Variants in AAMDC observed in about 807,000 individuals in gnomAD.
The protein encoded by AAMDC is adipogenesis associated Mth938 domain containing, also known as mth938 domain-containing protein.
A neutral mutation model predicts 15.5 loss-of-function variants in AAMDC; 16 were observed. The observed-to-expected ratio is 1.03, with a 90% confidence interval of 0.70 to 1.57. AAMDC has a LOEUF of 1.57. Among genes scored for constraint, AAMDC ranks in the 40% most tolerant of loss-of-function variants. The pLI, the probability that AAMDC is intolerant of heterozygous loss-of-function variation, is 0.00. For missense variants in AAMDC, 141 were observed against 144.9 expected, an observed-to-expected ratio of 0.97 and a Z score of 0.14; for synonymous variants, 51 against 51.6, an observed-to-expected ratio of 0.99 and a Z score of 0.05.
At chr11:77,836,780 A>G (rs1417594414) in intron 1 of AAMDC, among the ~76,000 whole-genome samples, 1 of 152,176 alleles carries the variant, frequency 6.6e-6, no homozygotes, top group Non-Finnish European at 1.5e-5. Context: ...AGCCTGAACA[A>G]CATGGAGAAA....
chr11:77,886,598 CGAGAT>C (rs1012051653), intron 5 of AAMDC, among the ~76,000 whole-genome samples: 18 of 151,662 alleles, frequency 1.2e-4, no homozygotes, highest in Admixed American at 1.2e-3. Context: ...AATGGATGAA[CGAGAT>C]TCCCACTGTC....
chr11:77,894,833 G>A (rs1952441105), intron 5 of AAMDC, among the ~76,000 whole-genome samples: 1 of 152,158 alleles, frequency 6.6e-6, no homozygotes, highest in Non-Finnish European at 1.5e-5. Flanking sequence ...AAGAATCACT[G>A]CACTCAATGA....
chr11:77,873,563 G>A (rs186663776), downstream of AAMDC, among the ~76,000 whole-genome samples: 203 of 152,276 alleles, frequency 1.3e-3, no homozygotes, highest in African/African-American at 4.6e-3. Context: ...TTATTGTTGG[G>A]CCCTGGGGGA....
intron 1 of AAMDC, among the ~76,000 whole-genome samples, chr11:77,834,707 G>T (rs568335707): frequency 2.6e-5 from 4 of 152,184 alleles, no homozygotes; most frequent in Non-Finnish European, 4.4e-5. Flanking sequence ...GAGCCACTGC[G>T]CCTGGCCAAG....
At chr11:77,887,618 G>A (rs1382735275) in intron 5 of AAMDC, among the ~76,000 whole-genome samples, 1 of 152,186 alleles carries the variant, frequency 6.6e-6, no homozygotes, top group Admixed American at 6.5e-5. Flanking sequence ...ATTAGGAAAA[G>A]AGGAAGTCAA....
intron 3 of AAMDC, among the ~76,000 whole-genome samples, chr11:77,870,833 T>C (rs892603895): frequency 3.3e-5 from 5 of 152,240 alleles, no homozygotes; most frequent in African/African-American, 7.2e-5. Context: ...TATATACTTA[T>C]AACCATTTTA....
intron 5 of AAMDC, among the ~76,000 whole-genome samples, chr11:77,891,043 C>T (rs540762064): frequency 6.6e-6 from 1 of 152,180 alleles, no homozygotes; most frequent in East Asian, 1.9e-4. Flanking sequence ...TTTAGTGAAC[C>T]CTTACTGGGT....
At chr11:77,854,996 C>A (rs1272919478) in intron 2 of AAMDC, among the ~76,000 whole-genome samples, 1 of 152,218 alleles carries the variant, frequency 6.6e-6, no homozygotes, top group Non-Finnish European at 1.5e-5. Context: ...CTCATGGAAG[C>A]CACCAAGGCC....
At chr11:77,857,945 T>C (rs193231946) in intron 2 of AAMDC, among the ~76,000 whole-genome samples, 206 of 152,276 alleles carry the variant, frequency 1.4e-3, no homozygotes, top group African/African-American at 4.7e-3. Context: ...TCTGCCCACA[T>C]TGGCCCCCAA....
chr11:77,900,680 G>A (rs1318850852), exon 6 of AAMDC: 1 of 683,626 alleles, frequency 1.5e-6, no homozygotes, highest in Non-Finnish European at 2.6e-6. Context: ...TTTATTTTAT[G>A]AAATAGTAAG....
At chr11:77,853,661 T>C (rs1950490964) in intron 2 of AAMDC, among the ~76,000 whole-genome samples, 1 of 152,106 alleles carries the variant, frequency 6.6e-6, no homozygotes, top group Non-Finnish European at 1.5e-5. Flanking sequence ...ATTACAGCCA[T>C]GCCAGGCAGT....
At chr11:77,883,729 A>AT in intron 5 of AAMDC, 2 of 1,227,904 alleles carry the variant, frequency 1.6e-6, no homozygotes, top group Non-Finnish European at 2.3e-6. Flanking sequence ...ACAAGGCCTG[A>AT]TTCATCCATG....
At chr11:77,855,071 A>G (rs1950555858) in intron 2 of AAMDC, among the ~76,000 whole-genome samples, 1 of 152,122 alleles carries the variant, frequency 6.6e-6, no homozygotes, top group African/African-American at 2.4e-5. Flanking sequence ...CCATAGCTAG[A>G]GCTGGAGTGG....
intron 1 of AAMDC, among the ~76,000 whole-genome samples, chr11:77,832,743 GC>G (rs1233607096): frequency 6.7e-6 from 1 of 149,236 alleles, no homozygotes; most frequent in African/African-American, 2.5e-5. Flanking sequence ...CCCCATATTT[GC>G]CTGCTGAAAT....
chr11:77,858,299 A>ATTAT (rs1950717647), intron 2 of AAMDC, among the ~76,000 whole-genome samples: 3 of 91,554 alleles, frequency 3.3e-5, no homozygotes, highest in Admixed American at 1.2e-4. Flanking sequence ...CGTTTAAGCA[A>ATTAT]TTCTTTTTTT....
intron 2 of AAMDC, among the ~76,000 whole-genome samples, chr11:77,848,861 C>G (rs1197944817): frequency 6.6e-6 from 1 of 152,206 alleles, no homozygotes; most frequent in African/African-American, 2.4e-5. Context: ...TCATAGCTCA[C>G]TGCAACCTCA....
At chr11:77,877,693 C>G (rs1326376981) in intron 5 of AAMDC, among the ~76,000 whole-genome samples, 1 of 152,156 alleles carries the variant, frequency 6.6e-6, no homozygotes, top group African/African-American at 2.4e-5. Flanking sequence ...GTACATAGCA[C>G]AGGCAGTACC....
intron 1 of AAMDC, among the ~76,000 whole-genome samples, chr11:77,842,127 G>T (rs1234520775): frequency 1.3e-5 from 2 of 152,036 alleles, no homozygotes; most frequent in African/African-American, 4.8e-5. Flanking sequence ...ACAAATTTTT[G>T]GTTTTGACAG....
chr11:77,893,559 T>C (rs1952368644), intron 5 of AAMDC, among the ~76,000 whole-genome samples: 2 of 152,152 alleles, frequency 1.3e-5, no homozygotes, highest in Admixed American at 1.3e-4. Context: ...CAGTGAGCTG[T>C]GCCAGTCTGG....
Sources: gnomAD v4.1 joint callset for allele counts (sites outside exome capture counted in the v4.1 genomes callset) on GRCh38, gnomAD v4.1.1 for gene constraint, MANE v1.5 for transcripts, NCBI Gene and HGNC (gene_info 2026-07-23, HGNC 2026-07-21) for gene names.